TANGO6: variants seen among roughly 807,000 people sequenced by gnomAD.
TANGO6 encodes transport and Golgi organization protein 6 homolog.
In TANGO6, 90 loss-of-function variants were observed where a neutral mutation model predicts 114.2. That is an observed-to-expected ratio of 0.79 (90% CI 0.66 to 0.94). TANGO6 has a LOEUF of 0.94. Ranked by LOEUF, TANGO6 falls within the 40% of genes least tolerant of loss-of-function variation. TANGO6 has a pLI of 0.00. For missense variants in TANGO6, 1,274 were observed against 1,315.3 expected (o/e 0.97, Z 0.49); for synonymous variants, 477 against 509.8 (o/e 0.94, Z 0.87).
chr16:68,902,534 T>G, intron 9 of TANGO6, 30 bp downstream of exon 9: 1 of 1,558,452 alleles, frequency 6.4e-7, no homozygotes, highest in Non-Finnish European at 8.7e-7. Context: ...ACTGTTCTCT[T>G]CAGATTTAGT....
intron 15 of TANGO6, among the ~76,000 whole-genome samples, chr16:68,974,932 C>T (rs1408693567): frequency 2.0e-5 from 3 of 151,980 alleles, no homozygotes; most frequent in African/African-American, 7.3e-5. Context: ...GTGGCACACA[C>T]CTGTAGTCCC....
chr16:69,061,745 C>T (rs1049820989), intron 17 of TANGO6, among the ~76,000 whole-genome samples: 25 of 152,080 alleles, frequency 1.6e-4, no homozygotes, highest in Admixed American at 3.9e-4. Context: ...CGGCCGGGCG[C>T]GCGGTGGCTC....
In TANGO6 at chr16:68,877,467, C is replaced by CA. The variant is rs35716789; in HGVS notation, c.1132-635dup. Among the ~76,000 whole-genome samples the CA allele has an allele frequency of 6.1e-3, 518 of 85,580 alleles. 2 individuals carry two copies. The highest frequency in any genetic ancestry group is 0.019 in the South Asian group (41 of 2,196). 56.1% of individuals were successfully genotyped at this position (85,580 alleles called of 152,430 possible). ...TGGGCGGCAGGGTGAGACTCCATCT[C>CA]AAAAAAAAAAAAAAAAGGAAAAAGA... On this transcript the variant is annotated intron_variant, in intron 5 of 17. Coordinates refer to ENST00000261778, the MANE Select transcript of TANGO6 (RefSeq NM_024562.2).
intron 14 of TANGO6, among the ~76,000 whole-genome samples, chr16:68,941,510 G>A (rs1018343142): frequency 2.7e-4 from 41 of 152,162 alleles, no homozygotes; most frequent in African/African-American, 9.9e-4. Flanking sequence ...TTGGGAGGAC[G>A]AGGTGGGTGG....
rs554441270 is a variant in TANGO6, at chr16:68,865,519, A to T, written c.853-1560A>T. On this transcript the variant is annotated intron_variant, in intron 3 of 17. Coordinates refer to ENST00000261778, the MANE Select transcript of TANGO6 (RefSeq NM_024562.2). ...TAAGTGAGTTTACTCCACCCTCAGC[A>T]ATAAGGGACACCAAGTCTATTTATT... Among the ~76,000 whole-genome samples the T allele has an allele frequency of 2.6e-5, 4 of 152,348 alleles. No homozygotes were observed. In the South Asian group the frequency reaches 8.3e-4, roughly 32 times the overall value.
chr16:69,078,564 G>A (rs1960421766), intron 17 of TANGO6, among the ~76,000 whole-genome samples: 1 of 151,860 alleles, frequency 6.6e-6, no homozygotes, highest in African/African-American at 2.4e-5. Context: ...TGCTCCCTGT[G>A]ACCTTTACCA....
intron 7 of TANGO6, among the ~76,000 whole-genome samples, chr16:68,899,403 TAA>T (rs1387778190): frequency 1.3e-5 from 2 of 152,160 alleles, no homozygotes; most frequent in African/African-American, 2.4e-5. Context: ...GAGTGTTCAG[TAA>T]AAGTTTGTTG....
intron 12 of TANGO6, among the ~76,000 whole-genome samples, chr16:68,922,939 G>GA: frequency 1.3e-5 from 1 of 79,052 alleles, no homozygotes; most frequent in Non-Finnish European, 2.5e-5. Context: ...CTTAGGTCAT[G>GA]TTTTTTTTTT....
At chr16:69,074,672 A>C (rs547515914) in intron 17 of TANGO6, among the ~76,000 whole-genome samples, 2 of 152,098 alleles carry the variant, frequency 1.3e-5, no homozygotes, top group African/African-American at 4.8e-5. Flanking sequence ...AAACATTATT[A>C]ATTCATTCCC....
chr16:68,878,799 G>A (rs575528982), intron 6 of TANGO6, among the ~76,000 whole-genome samples: 25 of 152,010 alleles, frequency 1.6e-4, no homozygotes, highest in African/African-American at 5.3e-4. Flanking sequence ...ATGGCTGGGC[G>A]TGGTGGCTCA....
At chr16:69,023,040 G>A (rs1176186694) in intron 16 of TANGO6, 61 bp downstream of exon 16, 7 of 1,458,922 alleles carry the variant, frequency 4.8e-6, no homozygotes, top group Non-Finnish European at 6.4e-6. Flanking sequence ...GATGCATCTT[G>A]AGATTGGGAG....
chr16:68,926,659 C>G (rs139851903), intron 12 of TANGO6, among the ~76,000 whole-genome samples: 12,011 of 151,612 alleles, frequency 0.079, 539 homozygotes, highest in African/African-American at 0.098. Flanking sequence ...TTCCGAGTAG[C>G]TGGGACTACA....
intron 7 of TANGO6, among the ~76,000 whole-genome samples, chr16:68,894,598 G>A (rs1269808263): frequency 2.0e-5 from 3 of 152,076 alleles, no homozygotes; most frequent in Non-Finnish European, 2.9e-5. Context: ...GACTCTGAGG[G>A]TGGGGACAGC....
chr16:69,037,410 C>T (rs907015911), intron 16 of TANGO6, among the ~76,000 whole-genome samples: 1 of 152,316 alleles, frequency 6.6e-6, no homozygotes, highest in Middle Eastern at 3.4e-3. Context: ...TAGAGGGGAG[C>T]AAACATAATG....
At chr16:69,032,666 C>T (rs1291869553) in intron 16 of TANGO6, among the ~76,000 whole-genome samples, 1 of 152,082 alleles carries the variant, frequency 6.6e-6, no homozygotes, top group Admixed American at 6.5e-5. Context: ...ATCACGAAGT[C>T]AGGAGTTCAA....
rs186093243 is a variant in TANGO6, at chr16:68,991,799, C to T, written c.2842+17631C>T. On this transcript the variant is annotated intron_variant, in intron 15 of 17. Coordinates refer to ENST00000261778, the MANE Select transcript of TANGO6 (RefSeq NM_024562.2). ...AAGATCGTGCCACTGCACTCCAGCC[C>T]GGGTGACAGAGCAAGACTGTCTCGC... is the stretch of plus-strand genomic sequence containing the variant. Among the ~76,000 whole-genome samples the T allele has an allele frequency of 2.5e-4, 38 of 152,012 alleles. No homozygotes were observed. The East Asian group carries it at 2.9e-3, about 12-fold the overall frequency.
chr16:69,054,697 G>T lies in TANGO6; in HGVS notation c.3108+14276G>T, dbSNP rs1018878362. On this transcript the variant is annotated intron_variant, in intron 17 of 17. Coordinates refer to ENST00000261778, the MANE Select transcript of TANGO6 (RefSeq NM_024562.2). ...GCCTGTAATCCCAGCACTTTGGGAG[G>T]CCAAGGTGGGCGGATCACGAGGTCA... Among the ~76,000 whole-genome samples the T allele has an allele frequency of 3.3e-5, 5 of 152,074 alleles. No individual in the cohort carries two copies. The East Asian group carries it at 9.7e-4, about 29-fold the overall frequency.
At chr16:68,856,299 AC>A (rs1189826035) in intron 1 of TANGO6, among the ~76,000 whole-genome samples, 1 of 152,180 alleles carries the variant, frequency 6.6e-6, no homozygotes, top group Non-Finnish European at 1.5e-5. Flanking sequence ...TGTGTCATGA[AC>A]GAGTGTTGAA....
intron 7 of TANGO6, among the ~76,000 whole-genome samples, chr16:68,882,197 T>C (rs1299764606): frequency 6.6e-6 from 1 of 151,760 alleles, no homozygotes; most frequent in Non-Finnish European, 1.5e-5. Context: ...CCAAGAGAAA[T>C]GAAAACTTGT....
Sources: gnomAD v4.1 joint callset for allele counts (sites outside exome capture counted in the v4.1 genomes callset) on GRCh38, gnomAD v4.1.1 for gene constraint, MANE v1.5 for transcripts, NCBI Gene and HGNC (gene_info 2026-07-23, HGNC 2026-07-21) for gene names.